C2CD5: variants seen among roughly 807,000 people sequenced by gnomAD.
The protein encoded by C2CD5 is C2 calcium dependent domain containing 5.
A neutral mutation model predicts 130.3 loss-of-function variants in C2CD5; 109 were observed. That is an observed-to-expected ratio of 0.84 (90% CI 0.72 to 0.98). The LOEUF is 0.98. Among genes scored for constraint, C2CD5 ranks in the 50% least tolerant of loss-of-function variants. The pLI, the probability that C2CD5 is intolerant of heterozygous loss-of-function variation, is 0.00. For missense variants in C2CD5, 996 were observed against 1,261.8 expected (o/e 0.79, Z 3.19); for synonymous variants, 454 against 429.2 (o/e 1.06, Z -0.71).
chr12:22,478,617 G>C, intron 14 of C2CD5, 140 bp from the exon 15 acceptor site: 1 of 657,218 alleles, frequency 1.5e-6, no homozygotes. Context: ...AGGCCAAGGC[G>C]GGCAGATCAC....
intron 9 of C2CD5, among the ~76,000 whole-genome samples, chr12:22,511,945 A>T (rs1390197326): frequency 6.6e-6 from 1 of 152,228 alleles, no homozygotes; most frequent in Non-Finnish European, 1.5e-5. Flanking sequence ...CCTAAAAAAA[A>T]TGGTAAGTGG....
chr12:22,503,765 G>A (rs549768375), intron 10 of C2CD5, among the ~76,000 whole-genome samples: 2 of 152,138 alleles, frequency 1.3e-5, no homozygotes, highest in African/African-American at 4.8e-5. Context: ...GCCCGCCTTG[G>A]CCTCCCAAAA....
chr12:22,522,294 T>C (rs891297608), intron 7 of C2CD5, among the ~76,000 whole-genome samples: 1 of 152,196 alleles, frequency 6.6e-6, no homozygotes, highest in Non-Finnish European at 1.5e-5. Context: ...GGGTTGTCCC[T>C]TGCTGTGCGG....
rs1420468009 is a variant in C2CD5, at chr12:22,490,139, C to T, written c.1342G>A (p.Gly448Ser). Reference protein sequence around the residue: ...PRFLQDGTVEGCLEQRLEENL... With the variant: ...PRFLQDGTVESCLEQRLEENL... ...CATGACAACCTCTGTTCCAAACAGC[C>T]TTCCACGGTGCCATCCTGCAGAAAT... Residue 448 changes from glycine (G) to serine (S), a missense_variant, in exon 12 of 27, where the codon GGC (glycine) becomes AGC (serine). Coordinates refer to ENST00000446597, the MANE Select transcript of C2CD5 (RefSeq NM_001286176.2). The T allele has an allele frequency of 6.2e-7, 1 of 1,613,486 alleles. No individual in the cohort carries two copies. Among genetic ancestry groups the T allele is most frequent in the African/African-American group, 1.3e-5 (1 of 75,024 alleles).
chr12:22,493,316 G>A lies in C2CD5; in HGVS notation c.1169C>T (p.Ala390Val). ...HNPDEPETRDAWWAEIRQEIK... is the reference protein window; with the variant it reads ...HNPDEPETRDVWWAEIRQEIK... ...TTCTTGTCTGATTTCTGCCCACCAT[G>A]CATCTCGAGTTTCTGGTTCATCTGA... Residue 390 changes from alanine (A) to valine (V), a missense_variant, in exon 11 of 27, where the codon GCA (alanine) becomes GTA (valine). Around this residue, in one of 9 missense-constraint regions of C2CD5, gnomAD observed 6 missense variants for 26.7 expected, o/e 0.22. Transcript: ENST00000446597. 1 of 1,608,228 alleles carries A rather than the reference G, an allele frequency of 6.2e-7. No homozygotes were observed. The highest frequency in any genetic ancestry group is 8.5e-7 in the Non-Finnish European group (1 of 1,176,226).
intron 10 of C2CD5, among the ~76,000 whole-genome samples, chr12:22,498,486 T>C (rs772403420): frequency 7.9e-5 from 12 of 152,180 alleles, no homozygotes; most frequent in Non-Finnish European, 1.5e-4. Flanking sequence ...TTTGTTACCA[T>C]TAAATATTTT....
intron 26 of C2CD5, among the ~76,000 whole-genome samples, chr12:22,453,017 A>C (rs1939031421): frequency 1.3e-5 from 2 of 152,356 alleles, no homozygotes; most frequent in Middle Eastern, 3.4e-3. Context: ...AAATGATACT[A>C]AGAATTTAAA....
At chr12:22,523,169 G>C (rs1950419045) in intron 7 of C2CD5, among the ~76,000 whole-genome samples, 1 of 152,034 alleles carries the variant, frequency 6.6e-6, no homozygotes, top group South Asian at 2.1e-4. Context: ...AGCCAAGACT[G>C]TGCCACTGAA....
chr12:22,475,247 G>A (rs944327881), intron 15 of C2CD5, among the ~76,000 whole-genome samples: 1 of 151,934 alleles, frequency 6.6e-6, no homozygotes, highest in Non-Finnish European at 1.5e-5. Flanking sequence ...GTCCTAATAG[G>A]CCTTAAAAAT....
chr12:22,498,789 T>TAGTAA (rs1947371469), intron 10 of C2CD5, among the ~76,000 whole-genome samples: 1 of 152,152 alleles, frequency 6.6e-6, no homozygotes, highest in African/African-American at 2.4e-5. Context: ...AAACACTTGT[T>TAGTAA]TTACTAACTC....
chr12:22,466,761 G>A (rs1339839361), intron 22 of C2CD5, among the ~76,000 whole-genome samples: 1 of 152,212 alleles, frequency 6.6e-6, no homozygotes, highest in East Asian at 1.9e-4. Context: ...ACACTTTTAA[G>A]TGTTTACTGA....
chr12:22,501,581 T>C (rs1947797418), intron 10 of C2CD5, among the ~76,000 whole-genome samples: 1 of 152,124 alleles, frequency 6.6e-6, no homozygotes, highest in Admixed American at 6.5e-5. Context: ...TAAAAAACAA[T>C]TACAAAATAT....
rs1387430450 is a variant in C2CD5 at position 22,519,446 on chromosome 12, AATTAATTGTGATTAATTT to A, written c.801-1327_801-1310del. ...ATAGTTTTAAAGTATCCGATTAATA[AATTAATTGTGATTAATTT>A]ATTAATTGTGAATAAGAAAATAGCA... On this transcript the variant is annotated intron_variant, in intron 7 of 26. Coordinates refer to ENST00000446597, the MANE Select transcript of C2CD5 (RefSeq NM_001286176.2). Among the ~76,000 whole-genome samples the A allele has an allele frequency of 4.6e-5, 7 of 152,146 alleles. No individual in the cohort carries two copies. In the East Asian group the frequency reaches 5.8e-4, roughly 13 times the overall value.
chr12:22,465,483 A>C (rs978060023), intron 22 of C2CD5, among the ~76,000 whole-genome samples: 4 of 152,114 alleles, frequency 2.6e-5, no homozygotes, highest in Non-Finnish European at 5.9e-5. Context: ...TACAGCAACT[A>C]ATAGCTCAAG....
intron 3 of C2CD5, chr12:22,534,637 G>C (rs557154120): frequency 1.8e-4 from 28 of 152,314 alleles, no homozygotes; most frequent in African/African-American, 6.5e-4. Context: ...GATGAACCCT[G>C]AAAACATTAT....
At chr12:22,503,344 T>G (rs1305869815) in intron 10 of C2CD5, among the ~76,000 whole-genome samples, 2 of 152,186 alleles carry the variant, frequency 1.3e-5, no homozygotes, top group South Asian at 2.1e-4. Context: ...ATCATTACGG[T>G]AGATGTTAAT....
chr12:22,507,273 A>T (rs1302141152), intron 9 of C2CD5, among the ~76,000 whole-genome samples: 1 of 152,222 alleles, frequency 6.6e-6, no homozygotes, highest in African/African-American at 2.4e-5. Flanking sequence ...GATCTAAATG[A>T]AAGTGGGACC....
intron 10 of C2CD5, among the ~76,000 whole-genome samples, chr12:22,496,767 G>A (rs1947073470): frequency 6.6e-6 from 1 of 151,054 alleles, no homozygotes; most frequent in Non-Finnish European, 1.5e-5. Context: ...ACTCTTTGTA[G>A]ATAATATCGC....
intron 7 of C2CD5, 85 bp downstream of exon 7, chr12:22,523,341 C>A: frequency 9.7e-7 from 1 of 1,028,956 alleles, no homozygotes; most frequent in South Asian, 1.5e-5. Context: ...TTGAACAACC[C>A]TACTAAAATG....
Sources: gnomAD v4.1 joint callset for allele counts (sites outside exome capture counted in the v4.1 genomes callset) on GRCh38, gnomAD v4.1.1 for gene constraint, gnomAD v4.1.1 regional missense constraint, MANE v1.5 for transcripts, NCBI Gene and HGNC (gene_info 2026-07-23, HGNC 2026-07-21) for gene names.